The following LAMP2 variants were observed in gnomAD, a reference collection of about 807,000 sequenced individuals.
LAMP2 encodes lysosome-associated membrane glycoprotein 2.
In LAMP2, 4 loss-of-function variants were observed where a neutral mutation model predicts 25.6. The observed-to-expected ratio is 0.16, with a 90% confidence interval of 0.08 to 0.36. The LOEUF (loss-of-function observed/expected upper bound fraction) is 0.36, where lower values mean the gene tolerates loss of function less well. Among genes scored for constraint, LAMP2 ranks in the 10% least tolerant of loss-of-function variants. The pLI is 1.00. For missense variants in LAMP2, 272 were observed against 301.4 expected (o/e 0.90, Z 0.72); for synonymous variants, 108 against 112.7 (o/e 0.96, Z 0.27).
intron 4 of LAMP2, 134 bp downstream of exon 4, chrX:120,448,836 A>C: frequency 1.9e-6 from 1 of 539,176 alleles, no homozygotes; most frequent in Non-Finnish European, 3.1e-6. Flanking sequence ...ATTTACAAAA[A>C]CTTTATAGCC....
In LAMP2 at chrX:120,455,490, T is replaced by A. The variant is rs779524035; in HGVS notation, c.264A>T (p.Ile88=). The change falls in exon 3 of 9, where the codon ATA becomes ATT. Residue 88 remains isoleucine, a synonymous_variant. Transcript: ENST00000200639. The part of the protein sequence containing the change: ...ICGDDQNGPK[I]AVQFGPGFSW... ...AAAAGCCAGGTCCGAACTGCACTGC[T>A]ATTTTGGGACCATTCTGATCATCCC... 5.8e-6 allele frequency: 7 copies of A among 1,208,129 alleles called. No individual in the cohort carries two copies. In the African/African-American group the frequency reaches 1.2e-4, roughly 21 times the overall value.
rs13441024 is a variant in LAMP2 at position 120,429,128 on chromosome X, A to G, written c.*2195T>C. 15,557 of 647,268 alleles carry G rather than the reference A, an allele frequency of 0.024. 1,316 individuals are homozygous for G. In the African/African-American group the frequency reaches 0.28, roughly 12 times the overall value. 53.3% of individuals were successfully genotyped at this position (647,268 alleles called of 1,213,427 possible). On this transcript the variant is annotated 3_prime_UTR_variant, in exon 9 of 9. Transcript: ENST00000200639. The stretch of plus-strand genomic sequence containing the variant: ...TATATATATGTATATGTGTATATAT[A>G]TGTGTGTGTGTATATATATGTGTGT...
At chrX:120,462,708 C>G (rs768807584) in intron 1 of LAMP2, among the ~76,000 whole-genome samples, 1 of 110,507 alleles carries the variant, frequency 9.0e-6, no homozygotes, top group Non-Finnish European at 1.9e-5. Context: ...TAAAAAGAAA[C>G]CAAACAATGA....
intron 4 of LAMP2, among the ~76,000 whole-genome samples, chrX:120,448,407 A>G (rs745851573): frequency 3.6e-5 from 4 of 112,410 alleles, no homozygotes; most frequent in Non-Finnish European, 7.5e-5. Flanking sequence ...TACAATCACC[A>G]TAAGGAAGGA....
rs1302115428 is a variant in LAMP2, at chrX:120,427,861, C to CA, written c.*3461dup. 1.8e-5 allele frequency: 2 copies of CA among 111,533 alleles called. No individual in the cohort carries two copies. The highest frequency in any genetic ancestry group is 6.5e-5 in the African/African-American group (2 of 30,680). 9.2% of individuals were successfully genotyped at this position (111,533 alleles called of 1,213,427 possible). A position where few individuals can be genotyped will look rare whatever the true frequency, so the allele number is the denominator to read the frequency against. On this transcript the variant is annotated 3_prime_UTR_variant, in exon 9 of 9. Coordinates refer to ENST00000200639, the MANE Select transcript of LAMP2 (RefSeq NM_002294.3). ...TATATTCCAAACTCTAGAACAACAA[C>CA]AACAAAAAAAGAAATCTCCTTGTTA...
chrX:120,454,585 C>A (rs186756171), intron 3 of LAMP2, among the ~76,000 whole-genome samples: 36 of 109,169 alleles, frequency 3.3e-4, no homozygotes, highest in Non-Finnish European at 6.3e-4. Flanking sequence ...AGACACCCCC[C>A]CCAACCCCCG....
intron 1 of LAMP2, among the ~76,000 whole-genome samples, chrX:120,458,524 G>C (rs1297853715): frequency 9.0e-6 from 1 of 111,245 alleles, no homozygotes; most frequent in Non-Finnish European, 1.9e-5. Context: ...ACACCCTGAG[G>C]GTTCTGGCAC....
chrX:120,455,351 G>A lies in LAMP2; in HGVS notation c.397+6C>T. On this transcript the variant is annotated splice_donor_region_variant and intron_variant, in intron 3 of 8. Transcript: ENST00000200639. The stretch of plus-strand genomic sequence containing the variant: ...GAACATAACACAAATCCATTCTTAA[G>A]GTTACCTTTATCTTCAGCATCAGGA... 1 of 1,170,697 alleles carries A rather than the reference G, an allele frequency of 8.5e-7. No individual in the cohort carries two copies.
Position 120,431,227 on chromosome X carries a change from A to T in LAMP2, c.*96T>A, listed in dbSNP as rs1050285762. 8.4e-7 allele frequency: 1 copy of T among 1,192,972 alleles called. No homozygotes were observed. The highest frequency in any genetic ancestry group is 1.1e-6 in the Non-Finnish European group (1 of 882,765). On this transcript the variant is annotated 3_prime_UTR_variant, in exon 9 of 9. Coordinates refer to ENST00000200639, the MANE Select transcript of LAMP2 (RefSeq NM_002294.3). ...TTGATAAAAGAATTAAAGTTTCAAC[A>T]TATCAATTTTAAGAAGCAAAGTGTT... is the stretch of plus-strand genomic sequence containing the variant.
chrX:120,446,243 A>C, intron 6 of LAMP2, 62 bp downstream of exon 6: 1 of 978,431 alleles, frequency 1.0e-6, no homozygotes, highest in Non-Finnish European at 1.4e-6. Flanking sequence ...CCATGCAACT[A>C]TTTAGACTTT....
intron 8 of LAMP2, chrX:120,439,391 C>T (rs944059714): frequency 1.2e-6 from 1 of 817,390 alleles, no homozygotes; most frequent in Admixed American, 2.3e-5. Flanking sequence ...AATGTTCTTA[C>T]AAGATCAACT....
intron 6 of LAMP2, among the ~76,000 whole-genome samples, chrX:120,445,898 T>A (rs2058593785): frequency 8.9e-6 from 1 of 112,399 alleles, no homozygotes; most frequent in Non-Finnish European, 1.9e-5. Context: ...CTATCACAAA[T>A]AATATAGCCT....
Position 120,441,806 on chromosome X carries a change from C to T in LAMP2, c.1017G>A (p.Val339=). Residue 339 remains valine, a synonymous_variant, in exon 8 of 9, where the codon GTG becomes GTA. Transcript: ENST00000200639. ...YMCNKEQTVS[V]SGAFQINTFD... is the part of the protein sequence containing the mutation. Reference sequence around the variant, plus strand: ...AGGTATTTATCTGAAATGCTCCAGACACTGAAACAGTCTGCTCTTTGTTGC... The same window carrying T: ...AGGTATTTATCTGAAATGCTCCAGATACTGAAACAGTCTGCTCTTTGTTGC... 3 of 1,205,555 alleles carry T rather than the reference C, an allele frequency of 2.5e-6. No homozygotes were observed. Among genetic ancestry groups the T allele is most frequent in the Non-Finnish European group, 2.2e-6 (2 of 889,616 alleles).
chrX:120,469,191 A>G lies in LAMP2; in HGVS notation c.-22T>C, dbSNP rs1921671242. On this transcript the variant is annotated 5_prime_UTR_variant, in exon 1 of 9. Transcript: ENST00000200639. The stretch of plus-strand genomic sequence containing the variant: ...CCATGACCCCGCAGAGCAGGCGGCG[A>G]CGGCGGCGACGGCGGCGGTACAACA... The G allele has an allele frequency of 5.1e-6, 6 of 1,170,282 alleles. No individual in the cohort carries two copies. In the South Asian group the frequency reaches 9.0e-5, roughly 18 times the overall value.
chrX:120,448,653 GGT>G, intron 4 of LAMP2, among the ~76,000 whole-genome samples: 1 of 112,241 alleles, frequency 8.9e-6, no homozygotes, highest in East Asian at 2.8e-4. Context: ...TCTAAGCTTT[GGT>G]CTTGGAACCG....
intron 8 of LAMP2, chrX:120,437,163 T>A (rs550323580): frequency 1.3e-6 from 1 of 749,336 alleles, no homozygotes; most frequent in East Asian, 1.5e-4. Flanking sequence ...TAGTCAGGAA[T>A]CTGATCTTGA....
chrX:120,465,565 C>T lies in LAMP2; in HGVS notation c.64+3541G>A, dbSNP rs191419536. 4.8e-4 allele frequency among the ~76,000 whole-genome samples: 54 copies of T among 111,893 alleles called. No homozygotes were observed. The East Asian group carries it at 0.014, about 28-fold the overall frequency. On this transcript the variant is annotated intron_variant, in intron 1 of 8. Transcript: ENST00000200639. ...ATAATTTAATCTCTATGAAAAAGAC[C>T]AATATATAGCCTCTAAGAATCCTTT...
At chrX:120,455,944 C>CAA (rs57747255) in intron 2 of LAMP2, among the ~76,000 whole-genome samples, 13,937 of 92,275 alleles carry the variant, frequency 0.15, 1,161 homozygotes, top group East Asian at 0.34. Flanking sequence ...CAGTTTGTGC[C>CAA]AAAAAAAAAA....
intron 1 of LAMP2, among the ~76,000 whole-genome samples, chrX:120,462,243 C>T (rs1341292161): frequency 9.0e-6 from 1 of 111,070 alleles, no homozygotes; most frequent in Non-Finnish European, 1.9e-5. Context: ...CAGACCTTGA[C>T]CGGGCAGTGG....
Sources: allele counts gnomAD v4.1 joint callset (sites outside exome capture counted in the v4.1 genomes callset), GRCh38; gene constraint gnomAD v4.1.1; transcripts MANE v1.5; gene names NCBI Gene and HGNC (gene_info 2026-07-23, HGNC 2026-07-21).